The following GALNT14 variants were observed in gnomAD, a reference collection of about 807,000 sequenced individuals.
The protein encoded by GALNT14 is polypeptide N-acetylgalactosaminyltransferase 14.
Under a neutral mutation model 77.5 loss-of-function variants are expected in GALNT14, and 60 were observed. That is an observed-to-expected ratio of 0.77 (90% CI 0.63 to 0.96). GALNT14 has a LOEUF of 0.96. Ranked by LOEUF, GALNT14 falls within the 40% of genes least tolerant of loss-of-function variation. The pLI, the probability that GALNT14 is intolerant of heterozygous loss-of-function variation, is 0.00. For missense variants in GALNT14, 710 were observed against 731.0 expected, an observed-to-expected ratio of 0.97 and a Z score of 0.33; for synonymous variants, 280 against 281.7, an observed-to-expected ratio of 0.99 and a Z score of 0.06.
At chr2:30,988,404 G>A (rs965526341) in intron 2 of GALNT14, among the ~76,000 whole-genome samples, 1 of 152,204 alleles carries the variant, frequency 6.6e-6, no homozygotes, top group African/African-American at 2.4e-5. Context: ...CCCACAGTAG[G>A]AGCTTCTCGG....
chr2:30,973,525 T>C (rs544730207), intron 2 of GALNT14, among the ~76,000 whole-genome samples: 3 of 152,350 alleles, frequency 2.0e-5, no homozygotes, highest in Non-Finnish European at 4.4e-5. Context: ...CTCAGATCTA[T>C]GTAAGGAAGC....
chr2:30,899,299 C>A, the GALNT14 span, among the ~76,000 whole-genome samples: 6 of 152,212 alleles, frequency 3.9e-5, no homozygotes, highest in Non-Finnish European at 5.9e-5. Flanking sequence ...AATGGCAGCC[C>A]TTTGCCCCAG....
At chr2:31,056,007 A>T (rs1384324390) in intron 1 of GALNT14, among the ~76,000 whole-genome samples, 1 of 152,218 alleles carries the variant, frequency 6.6e-6, no homozygotes, top group Non-Finnish European at 1.5e-5. Flanking sequence ...AAAACTTCAA[A>T]CTTCGAGTCA....
At chr2:31,122,218 A>C (rs1034951275) in intron 1 of GALNT14, among the ~76,000 whole-genome samples, 3 of 152,180 alleles carry the variant, frequency 2.0e-5, no homozygotes, top group African/African-American at 7.2e-5. Flanking sequence ...CAGGGAAGCC[A>C]CTAGCCCGGG....
chr2:31,001,913 T>G (rs980445487), intron 1 of GALNT14, among the ~76,000 whole-genome samples: 1 of 152,154 alleles, frequency 6.6e-6, no homozygotes, highest in Non-Finnish European at 1.5e-5. Context: ...CTGGGTCGAT[T>G]TGAAAAAGAA....
intron 1 of GALNT14, among the ~76,000 whole-genome samples, chr2:31,058,916 A>G (rs1674411932): frequency 6.6e-6 from 1 of 152,226 alleles, no homozygotes; most frequent in African/African-American, 2.4e-5. Flanking sequence ...TAGAAGATGT[A>G]AGATAGCAGA....
downstream of GALNT14, among the ~76,000 whole-genome samples, chr2:30,909,961 C>G (rs60031439): frequency 4.9e-4 from 74 of 150,340 alleles, no homozygotes; most frequent in African/African-American, 1.7e-3. Flanking sequence ...ATCGCAAGAA[C>G]AAAAAACCAA....
At chr2:31,101,824 A>C (rs1238476020) in intron 1 of GALNT14, among the ~76,000 whole-genome samples, 3 of 152,054 alleles carry the variant, frequency 2.0e-5, no homozygotes, top group Non-Finnish European at 4.4e-5. Flanking sequence ...GGAGGGACCA[A>C]GTGGAGATAA....
intron 1 of GALNT14, among the ~76,000 whole-genome samples, chr2:30,995,987 G>A (rs147987931): frequency 5.1e-4 from 78 of 152,306 alleles, no homozygotes; most frequent in Admixed American, 9.8e-4. Context: ...GCAGCTCAAA[G>A]ACATCAGCAG....
At chr2:31,089,312 T>C (rs184118184) in intron 1 of GALNT14, among the ~76,000 whole-genome samples, 250 of 152,286 alleles carry the variant, frequency 1.6e-3, no homozygotes, top group African/African-American at 5.4e-3. Context: ...CACGTTTGCT[T>C]CTTTTGAGTC....
intron 7 of GALNT14, among the ~76,000 whole-genome samples, 200 bp downstream of exon 7, chr2:30,945,583 G>A (rs1486553409): frequency 6.6e-6 from 1 of 152,196 alleles, no homozygotes; most frequent in Non-Finnish European, 1.5e-5. Flanking sequence ...TCTGGGTGCT[G>A]GGAGCATCCT....
At chr2:31,076,132 G>GGAGAAAAGAA (rs1675766122) in intron 1 of GALNT14, among the ~76,000 whole-genome samples, 1 of 152,198 alleles carries the variant, frequency 6.6e-6, no homozygotes, top group African/African-American at 2.4e-5. Flanking sequence ...AAAGAGTTGA[G>GGAGAAAAGAA]TAGGAAGGAG....
intron 1 of GALNT14, among the ~76,000 whole-genome samples, chr2:31,063,981 G>A (rs1573279142): frequency 6.6e-6 from 1 of 152,202 alleles, no homozygotes. Flanking sequence ...CTACAGAGGG[G>A]ACTTCCAAAT....
intron 1 of GALNT14, among the ~76,000 whole-genome samples, chr2:31,053,378 C>T (rs1674011658): frequency 3.9e-5 from 6 of 152,154 alleles, no homozygotes; most frequent in Admixed American, 2.0e-4. Context: ...CACCCGCTAG[C>T]ACCTGCAGCT....
intron 1 of GALNT14, among the ~76,000 whole-genome samples, chr2:31,051,825 T>G (rs1035684153): frequency 6.6e-6 from 1 of 152,184 alleles, no homozygotes; most frequent in African/African-American, 2.4e-5. Context: ...AGCCTTCACA[T>G]TGACTGTCTT....
chr2:30,994,162 T>C (rs1186326653), intron 1 of GALNT14, among the ~76,000 whole-genome samples: 4 of 152,218 alleles, frequency 2.6e-5, no homozygotes, highest in Non-Finnish European at 4.4e-5. Context: ...GTTGTTGGTA[T>C]GCTGGGGCTG....
intron 2 of GALNT14, among the ~76,000 whole-genome samples, chr2:30,970,614 C>T (rs1668290171): frequency 6.6e-6 from 1 of 152,054 alleles, no homozygotes; most frequent in African/African-American, 2.4e-5. Flanking sequence ...CTAAACTGGG[C>T]CCACCTTACT....
At chr2:31,114,789 G>A (rs1212328407) in intron 1 of GALNT14, 2 of 717,464 alleles carry the variant, frequency 2.8e-6, no homozygotes, top group Admixed American at 4.0e-5. Context: ...TGAGCTTCTT[G>A]CAAGAGACAT....
chr2:31,025,087 A>G (rs1018991551), intron 1 of GALNT14, among the ~76,000 whole-genome samples: 1 of 152,218 alleles, frequency 6.6e-6, no homozygotes, highest in Admixed American at 6.5e-5. Context: ...TATTAAGACA[A>G]TAGTTATTAA....
Sources: allele counts gnomAD v4.1 joint callset (sites outside exome capture counted in the v4.1 genomes callset), GRCh38; gene constraint gnomAD v4.1.1; transcripts MANE v1.5; gene names NCBI Gene and HGNC (gene_info 2026-07-23, HGNC 2026-07-21).